Variants in STX8 observed in about 807,000 individuals in gnomAD.
STX8 encodes the protein syntaxin-8.
In STX8, 23 loss-of-function variants were observed where a neutral mutation model predicts 37.5. The ratio of observed to expected loss-of-function variants is 0.61; its 90% confidence interval spans 0.44 to 0.87. STX8 has a LOEUF of 0.87. Among genes scored for constraint, STX8 ranks in the 40% least tolerant of loss-of-function variants. The pLI, the probability that STX8 is intolerant of heterozygous loss-of-function variation, is 0.00. For missense variants in STX8, 313 were observed against 284.7 expected (o/e 1.10, Z -0.71); for synonymous variants, 115 against 99.1 (o/e 1.16, Z -0.95).
chr17:9,528,338 G>A (rs372247008), intron 4 of STX8, among the ~76,000 whole-genome samples: 10 of 152,026 alleles, frequency 6.6e-5, no homozygotes, highest in Admixed American at 6.6e-4. Context: ...TCGCTCTGTC[G>A]CCAGGCTGGA....
intron 7 of STX8, among the ~76,000 whole-genome samples, chr17:9,342,853 T>A (rs1910409336): frequency 6.6e-6 from 1 of 152,052 alleles, no homozygotes; most frequent in African/African-American, 2.4e-5. Context: ...AAACCCCGTC[T>A]GTACTAAAAA....
chr17:9,380,039 T>G (rs1440145339), intron 6 of STX8, among the ~76,000 whole-genome samples: 1 of 152,120 alleles, frequency 6.6e-6, no homozygotes. Context: ...TAAGTGAAAT[T>G]GAGCCCTTCA....
intron 7 of STX8, among the ~76,000 whole-genome samples, chr17:9,306,084 T>C (rs1170627079): frequency 2.0e-5 from 3 of 152,110 alleles, no homozygotes; most frequent in Admixed American, 6.6e-5. Context: ...GTACTTTTAT[T>C]ATACTATTTA....
chr17:9,545,334 T>C (rs1362658803), intron 3 of STX8, 52 bp from the exon 4 acceptor site: 7 of 1,297,928 alleles, frequency 5.4e-6, no homozygotes, highest in Non-Finnish European at 7.8e-6. Flanking sequence ...TCGTTTTAAC[T>C]ATTACATTAT....
In STX8 at chr17:9,312,195, C is replaced by CT. The variant is rs879738211; in HGVS notation, c.644-61551dup. Among the ~76,000 whole-genome samples the CT allele has an allele frequency of 5.1e-3, 709 of 138,686 alleles. 2 individuals are homozygous for CT. Among genetic ancestry groups the CT allele is most frequent in the Non-Finnish European group, 8.2e-3 (524 of 63,628 alleles). The allele number at this position is 138,686 out of a possible 152,430, so 91.0% of individuals were successfully genotyped here. ...AAAAAACCTATATAAGCATGAGACT[C>CT]TTTTTTTTTTTGTTTTTTGTTTTGA... On this transcript the variant is annotated intron_variant, in intron 7 of 7. Transcript: ENST00000306357.
At chr17:9,327,394 G>A (rs941232838) in intron 7 of STX8, among the ~76,000 whole-genome samples, 2 of 151,276 alleles carry the variant, frequency 1.3e-5, no homozygotes, top group African/African-American at 4.9e-5. Context: ...GGGGGAGAGG[G>A]AGAAGGAGAA....
At chr17:9,410,482 G>A (rs1029756867) in intron 6 of STX8, among the ~76,000 whole-genome samples, 8 of 152,116 alleles carry the variant, frequency 5.3e-5, no homozygotes, top group Admixed American at 2.0e-4. Context: ...CATAAAACGC[G>A]GTAACGTGCC....
intron 4 of STX8, among the ~76,000 whole-genome samples, chr17:9,533,139 C>T (rs1905883679): frequency 6.6e-6 from 1 of 152,090 alleles, no homozygotes; most frequent in Admixed American, 6.6e-5. Flanking sequence ...CAGAAGAAAC[C>T]AGCTCTATGA....
chr17:9,318,652 G>C (rs982881427), intron 7 of STX8, among the ~76,000 whole-genome samples: 3 of 152,118 alleles, frequency 2.0e-5, no homozygotes, highest in African/African-American at 7.2e-5. Context: ...ATCAGTACTG[G>C]AGATGATCAG....
intron 2 of STX8, among the ~76,000 whole-genome samples, chr17:9,567,690 A>AT (rs1024016729): frequency 3.3e-5 from 5 of 152,018 alleles, no homozygotes; most frequent in Non-Finnish European, 5.9e-5. Flanking sequence ...TGGTTTTTAC[A>AT]TTTTTTTCTT....
chr17:9,480,614 A>G (rs781777016), intron 6 of STX8, among the ~76,000 whole-genome samples: 1 of 152,184 alleles, frequency 6.6e-6, no homozygotes, highest in Non-Finnish European at 1.5e-5. Flanking sequence ...GTAGGGGAGA[A>G]GGATGACCTC....
At chr17:9,570,816 G>T (rs1907661293) in intron 1 of STX8, among the ~76,000 whole-genome samples, 1 of 152,056 alleles carries the variant, frequency 6.6e-6, no homozygotes, top group African/African-American at 2.4e-5. Flanking sequence ...AGAGGTGGAA[G>T]AGATTACTGC....
At chr17:9,536,350 G>A (rs1419561115) in intron 4 of STX8, among the ~76,000 whole-genome samples, 1 of 152,132 alleles carries the variant, frequency 6.6e-6, no homozygotes, top group Admixed American at 6.5e-5. Flanking sequence ...GCAACTACCC[G>A]AAGCCCTGAC....
At chr17:9,535,998 C>A (rs1192276386) in intron 4 of STX8, among the ~76,000 whole-genome samples, 3 of 152,076 alleles carry the variant, frequency 2.0e-5, no homozygotes, top group Admixed American at 6.6e-5. Flanking sequence ...TGATATGTTA[C>A]CATGTGTGTA....
At chr17:9,528,497 GAGAGT>G (rs554404897) in intron 4 of STX8, among the ~76,000 whole-genome samples, 95 of 152,196 alleles carry the variant, frequency 6.2e-4, no homozygotes, top group Middle Eastern at 6.8e-3. Flanking sequence ...GTATTTAGTA[GAGAGT>G]AGAGACCATG....
intron 6 of STX8, among the ~76,000 whole-genome samples, chr17:9,470,696 A>G (rs1905810817): frequency 6.6e-6 from 1 of 152,178 alleles, no homozygotes; most frequent in Non-Finnish European, 1.5e-5. Flanking sequence ...CTCTATGCAG[A>G]AAAAGCTAAC....
chr17:9,341,734 G>A (rs748924230), intron 7 of STX8, among the ~76,000 whole-genome samples: 5 of 152,194 alleles, frequency 3.3e-5, no homozygotes, highest in Admixed American at 1.3e-4. Context: ...ACCGCGCCCG[G>A]CCAAGACATG....
Position 9,364,824 on chromosome 17 carries a change from G to A in STX8, c.643+13728C>T, listed in dbSNP as rs1370907663. ...GCTGAGATTACAGGCATGAGCTACC[G>A]CGCCTGGCCGGTATTTGATATATTA... On this transcript the variant is annotated intron_variant, in intron 7 of 7. Transcript: ENST00000306357. Among the ~76,000 whole-genome samples the A allele has an allele frequency of 2.6e-5, 4 of 152,228 alleles. No individual in the cohort carries two copies. In the East Asian group the frequency reaches 5.8e-4, roughly 22 times the overall value.
intron 7 of STX8, among the ~76,000 whole-genome samples, chr17:9,357,438 C>T (rs770138190): frequency 1.7e-4 from 26 of 151,906 alleles, no homozygotes; most frequent in Non-Finnish European, 2.5e-4. Context: ...GCCTGTAATC[C>T]CAGCACTTTG....
Sources: allele counts gnomAD v4.1 joint callset (sites outside exome capture counted in the v4.1 genomes callset), GRCh38; gene constraint gnomAD v4.1.1; transcripts MANE v1.5; gene names NCBI Gene and HGNC (gene_info 2026-07-23, HGNC 2026-07-21).